POLD1: variants seen among roughly 807,000 people sequenced by gnomAD.
The protein encoded by POLD1 is DNA polymerase delta catalytic subunit.
Under a neutral mutation model 129.7 loss-of-function variants are expected in POLD1, and 79 were observed. The ratio of observed to expected loss-of-function variants is 0.61; its 90% CI spans 0.51 to 0.73. The LOEUF (loss-of-function observed/expected upper bound fraction) is 0.73, where lower values mean the gene tolerates loss of function less well. Among genes scored for constraint, POLD1 ranks in the 30% least tolerant of loss-of-function variants. POLD1 has a pLI of 0.00. For synonymous variants in POLD1, 714 were observed against 683.3 expected, an observed-to-expected ratio of 1.04 and a Z score of -0.70; for missense variants, 1,338 against 1,595.8, an observed-to-expected ratio of 0.84 and a Z score of 2.75.
Position 50,403,239 on chromosome 19 carries a change from C to A in POLD1, c.1137+20C>A. ...CTGCAGGTAGCTCTCGCTCCACGCC[C>A]CACACCATTTCCCGGGGTCCCCGCC... On this transcript the variant is annotated intron_variant, in intron 9 of 26. Transcript: ENST00000440232. 6.5e-7 allele frequency: 1 copy of A among 1,531,072 alleles called. No homozygotes were observed. The highest frequency in any genetic ancestry group is 8.8e-7 in the Non-Finnish European group (1 of 1,134,646). The allele number at this position is 1,531,072 out of a possible 1,614,324, so 94.8% of individuals were successfully genotyped here. A position where few individuals can be genotyped will look rare whatever the true frequency, so the allele number is the denominator to read the frequency against.
In POLD1 at chr19:50,398,974, G is replaced by A. The variant is rs1255892076; in HGVS notation, c.123G>A (p.Met41Ile). Residue 41 changes from methionine (M) to isoleucine (I), a missense_variant, in exon 2 of 27, where the codon ATG becomes ATA. By Grantham distance (10) the Met-to-Ile change is conservative. Coordinates refer to ENST00000440232, the MANE Select transcript of POLD1 (RefSeq NM_002691.4). ...PSQFEEDLALMEEMEAEHRLQ... is the reference protein window; with the variant it reads ...PSQFEEDLALIEEMEAEHRLQ... ...AATTCGAGGAGGACCTGGCACTGAT[G>A]GAGGAGATGGAGGCAGAACACAGGC... 1 of 1,573,544 alleles carries A rather than the reference G, an allele frequency of 6.4e-7. No homozygotes were observed. The highest frequency in any genetic ancestry group is 2.3e-5 in the East Asian group (1 of 43,428).
In POLD1 at chr19:50,406,323, G is replaced by A. The variant is rs935770440; in HGVS notation, c.1383+1G>A. 1 of 1,613,738 alleles carries A rather than the reference G, an allele frequency of 6.2e-7. No individual in the cohort carries two copies. The highest frequency in any genetic ancestry group is 8.5e-7 in the Non-Finnish European group (1 of 1,179,912). On this transcript the variant is annotated splice_donor_variant, in intron 11 of 26. Coordinates refer to ENST00000440232, the MANE Select transcript of POLD1 (RefSeq NM_002691.4). LOFTEE classifies it high-confidence loss of function. The surrounding 1 kb of genome is among the most constrained non-coding windows in gnomAD (Gnocchi z 5.5). ...CCGCGTGCAGATGGACATGCTGCAGGTATGGGCGGGAGGTGGGGTGTGTCC... is the reference window on the plus strand; with the variant it reads ...CCGCGTGCAGATGGACATGCTGCAGATATGGGCGGGAGGTGGGGTGTGTCC...
intron 1 of POLD1, among the ~76,000 whole-genome samples, chr19:50,388,437 A>G (rs1397462263): frequency 6.6e-6 from 1 of 152,226 alleles, no homozygotes; most frequent in Non-Finnish European, 1.5e-5. Flanking sequence ...ATAGATTTAT[A>G]CATATGCCCT....
chr19:50,403,378 C>A, intron 9 of POLD1, 115 bp from the exon 10 acceptor site: 1 of 1,114,984 alleles, frequency 9.0e-7, no homozygotes, highest in Non-Finnish European at 1.3e-6. Flanking sequence ...TTGAGCACTT[C>A]CCCTCTGGGT....
At chr19:50,389,514 T>C (rs1346186375) in intron 1 of POLD1, among the ~76,000 whole-genome samples, 1 of 152,184 alleles carries the variant, frequency 6.6e-6, no homozygotes, top group Non-Finnish European at 1.5e-5. Flanking sequence ...ACAGTGACGT[T>C]ATTGAATAGA....
In POLD1 at chr19:50,417,247, C is replaced by T. The variant is rs1308806534; in HGVS notation, c.3196C>T (p.His1066Tyr). Residue 1066 changes from histidine to tyrosine, a missense_variant, in exon 26 of 27, where the codon CAC becomes TAC. By Grantham distance (83) the His-to-Tyr change is moderately conservative. Around this residue, in one of 3 missense-constraint regions of POLD1, gnomAD observed 286 missense variants for 277.5 expected, o/e 1.03. Coordinates refer to ENST00000440232, the MANE Select transcript of POLD1 (RefSeq NM_002691.4). ...GTGCCAGCGCTGCCAGGGCAGCCTG[C>T]ACGAGGACGTCATCTGCACCAGGTG... ...TQCQRCQGSL[H>Y]EDVICTSRDC... 1 of 1,599,922 alleles carries T rather than the reference C, an allele frequency of 6.3e-7. No homozygotes were observed. The highest frequency in any genetic ancestry group is 8.5e-7 in the Non-Finnish European group (1 of 1,176,134).
intron 22 of POLD1, 80 bp from the exon 23 acceptor site, chr19:50,416,316 C>T: frequency 6.9e-7 from 1 of 1,446,902 alleles, no homozygotes; most frequent in South Asian, 1.3e-5. Flanking sequence ...AGGCCCTAAG[C>T]CCCAGGCCCC....
chr19:50,403,370 G>A, intron 9 of POLD1, 123 bp from the exon 10 acceptor site: 1 of 1,110,484 alleles, frequency 9.0e-7, no homozygotes, highest in Non-Finnish European at 1.3e-6. Flanking sequence ...AATTAGGCTT[G>A]AGCACTTCCC....
chr19:50,401,408 T>C (rs1180801730), intron 3 of POLD1, among the ~76,000 whole-genome samples: 16 of 127,008 alleles, frequency 1.3e-4, no homozygotes, highest in African/African-American at 4.0e-4. Flanking sequence ...TTTTTTTTTT[T>C]TTTTTTTCTT....
In POLD1 at chr19:50,416,389, G is replaced by A. The variant is rs1230393018; in HGVS notation, c.2821-7G>A. 5.2e-6 allele frequency: 8 copies of A among 1,548,516 alleles called. No homozygotes were observed. The highest frequency in any genetic ancestry group is 7.0e-6 in the Non-Finnish European group (8 of 1,146,884). ...GCTGCCCGGGTGTGACTGCCATGTGGCCGCAGGACCCGCTGTTCGTGCTGG... is the reference window on the plus strand; with the variant it reads ...GCTGCCCGGGTGTGACTGCCATGTGACCGCAGGACCCGCTGTTCGTGCTGG... On this transcript the variant is annotated splice_region_variant and splice_polypyrimidine_tract_variant and intron_variant, in intron 22 of 26. Coordinates refer to ENST00000440232, the MANE Select transcript of POLD1 (RefSeq NM_002691.4).
intron 21 of POLD1, 44 bp from the exon 22 acceptor site, chr19:50,415,680 C>T: frequency 6.8e-7 from 1 of 1,462,744 alleles, no homozygotes; most frequent in Non-Finnish European, 9.3e-7. Context: ...CCCACCCCCG[C>T]CACCCACCTG....
At chr19:50,389,091 A>G (rs2038064819) in intron 1 of POLD1, among the ~76,000 whole-genome samples, 3 of 150,288 alleles carry the variant, frequency 2.0e-5, no homozygotes, top group African/African-American at 7.3e-5. Flanking sequence ...TCTGCCTCCC[A>G]GAGTGCTGGG....
intron 1 of POLD1, among the ~76,000 whole-genome samples, chr19:50,386,359 A>G (rs1324225108): frequency 6.6e-6 from 1 of 152,030 alleles, no homozygotes; most frequent in Non-Finnish European, 1.5e-5. Flanking sequence ...ACTGGTCTCG[A>G]ATCCCTGACC....
chr19:50,417,556 C>T lies in POLD1; in HGVS notation c.3219-286C>T, dbSNP rs115073727. Reference sequence around the variant, plus strand: ...AGCCAGCCTGGCCCCCTCCCCAGGGCGGGGCCGGGCTTTCCCCAGGGAACG... The same window carrying T: ...AGCCAGCCTGGCCCCCTCCCCAGGGTGGGGCCGGGCTTTCCCCAGGGAACG... On this transcript the variant is annotated intron_variant, in intron 26 of 26. Coordinates refer to ENST00000440232, the MANE Select transcript of POLD1 (RefSeq NM_002691.4). Among the ~76,000 whole-genome samples the T allele has an allele frequency of 6.8e-3, 1,042 of 152,220 alleles. 13 individuals are homozygous for T. The highest frequency in any genetic ancestry group is 0.024 in the African/African-American group (994 of 41,534).
chr19:50,406,604 A>G lies in POLD1; in HGVS notation c.1494+87A>G. On this transcript the variant is annotated intron_variant, in intron 12 of 26. Coordinates refer to ENST00000440232, the MANE Select transcript of POLD1 (RefSeq NM_002691.4). This position sits in a 1 kb window ranked among gnomAD's most constrained non-coding sequence, Gnocchi z 5.5. ...CCTCTGACCTCAACTTCACGCCCCC[A>G]CGTCTGACCTCACTCTTTGACCTGC... 1 of 955,020 alleles carries G rather than the reference A, an allele frequency of 1.0e-6. No individual in the cohort carries two copies. Among genetic ancestry groups the G allele is most frequent in the Non-Finnish European group, 1.6e-6 (1 of 613,012 alleles). 59.2% of individuals were successfully genotyped at this position (955,020 alleles called of 1,614,324 possible). A position where few individuals can be genotyped will look rare whatever the true frequency, so the allele number is the denominator to read the frequency against.
chr19:50,413,617 C>G, intron 18 of POLD1, 96 bp downstream of exon 18: 1 of 1,524,578 alleles, frequency 6.6e-7, no homozygotes, highest in Non-Finnish European at 9.0e-7. Flanking sequence ...CTCCTGGTCA[C>G]ACCCTGCCCA....
intron 1 of POLD1, among the ~76,000 whole-genome samples, chr19:50,386,297 C>A (rs2037970133): frequency 6.6e-6 from 1 of 152,014 alleles, no homozygotes; most frequent in Admixed American, 6.6e-5. Context: ...GCCACCACGC[C>A]CAGCTAATTT....
chr19:50,417,164 G>C lies in POLD1; in HGVS notation c.3121-8G>C, dbSNP rs762920108. The C allele has an allele frequency of 6.3e-7, 1 of 1,596,082 alleles. No homozygotes were observed. The highest frequency in any genetic ancestry group is 8.5e-7 in the Non-Finnish European group (1 of 1,171,806). On this transcript the variant is annotated splice_polypyrimidine_tract_variant and splice_region_variant and intron_variant, in intron 25 of 26. Transcript: ENST00000440232. ...GGGGGCGCCCTGCTCAGCCGCTGCC[G>C]TCCCCAGGTATCCCATCTGAATGCC... is the stretch of plus-strand genomic sequence containing the variant.
In POLD1 at chr19:50,415,591, G is replaced by T; in HGVS notation, c.2717+1G>T. ...AGGCCCACGTGGAGCTGGCCGAGAG[G>T]TCCTGCGCGGGGCGGGTGGCCTGGC... On this transcript the variant is annotated splice_donor_variant, in intron 21 of 26. Transcript: ENST00000440232. LOFTEE classifies it high-confidence loss of function. 6.2e-7 allele frequency: 1 copy of T among 1,609,704 alleles called. No individual in the cohort carries two copies. Among genetic ancestry groups the T allele is most frequent in the Non-Finnish European group, 8.5e-7 (1 of 1,177,646 alleles).
Sources: gnomAD v4.1 joint callset for allele counts (sites outside exome capture counted in the v4.1 genomes callset) on GRCh38, gnomAD v4.1.1 for gene constraint, gnomAD v4.1.1 regional missense constraint, Gnocchi (gnomAD v3.1) non-coding constraint, MANE v1.5 for transcripts, NCBI Gene and HGNC (gene_info 2026-07-23, HGNC 2026-07-21) for gene names.